The following ANKRD54 variants were observed in gnomAD, a reference collection of about 807,000 sequenced individuals.
ANKRD54 encodes the protein ankyrin repeat domain 54.
A neutral mutation model predicts 36.2 loss-of-function variants in ANKRD54; 26 were observed. The observed-to-expected ratio is 0.72, with a 90% CI of 0.53 to 1.00. The LOEUF (loss-of-function observed/expected upper bound fraction) is 1.00. Ranked by LOEUF, ANKRD54 falls within the 50% of genes least tolerant of loss-of-function variation. The pLI is 0.00. For missense variants in ANKRD54, 384 were observed against 424.3 expected (o/e 0.91, Z 0.83); for synonymous variants, 209 against 188.4 (o/e 1.11, Z -0.89).
In ANKRD54 at chr22:37,832,036, GCT is replaced by G; in HGVS notation, c.829-21_829-20del. On this transcript the variant is annotated intron_variant, in intron 7 of 7. Coordinates refer to ENST00000215941, the MANE Select transcript of ANKRD54 (RefSeq NM_138797.4). The stretch of plus-strand genomic sequence containing the variant: ...CATCCACCTGCAGGACGGAACAGAG[GCT>G]CTGTTATGGGACACGGGGTGTGCCA... 1 of 1,607,672 alleles carries G rather than the reference GCT, an allele frequency of 6.2e-7. No individual in the cohort carries two copies. The highest frequency in any genetic ancestry group is 8.5e-7 in the Non-Finnish European group (1 of 1,176,984).
intron 7 of ANKRD54, 122 bp downstream of exon 7, chr22:37,832,515 C>T: frequency 2.4e-6 from 2 of 845,178 alleles, no homozygotes; most frequent in Non-Finnish European, 1.8e-6. Context: ...GGTGTGAGCC[C>T]CTGCGGCTGG....
At chr22:37,838,938 C>G (rs1037144583) in intron 2 of ANKRD54, among the ~76,000 whole-genome samples, 1 of 152,164 alleles carries the variant, frequency 6.6e-6, no homozygotes, top group Non-Finnish European at 1.5e-5. Context: ...GGATACACAT[C>G]CATTCTGGCT....
upstream of ANKRD54, chr22:37,847,686 A>G (rs772456211): frequency 2.1e-6 from 1 of 485,432 alleles, no homozygotes; most frequent in Admixed American, 2.8e-5. Flanking sequence ...GACCATGAGG[A>G]CATTGTTGGG....
intron 1 of ANKRD54, among the ~76,000 whole-genome samples, chr22:37,840,693 C>T (rs1161909867): frequency 1.3e-5 from 2 of 151,748 alleles, no homozygotes; most frequent in African/African-American, 2.4e-5. Flanking sequence ...CAAAACCAGC[C>T]TGGACAACAT....
intron 3 of ANKRD54, among the ~76,000 whole-genome samples, chr22:37,834,894 A>C (rs1053985820): frequency 6.7e-6 from 1 of 149,824 alleles, no homozygotes; most frequent in Admixed American, 6.7e-5. Context: ...AACTGTCTGT[A>C]CTAAAAACAC....
Position 37,844,229 on chromosome 22 carries a change from C to A in ANKRD54, c.10G>T (p.Ala4Ser). Residue 4 changes from alanine (A) to serine (S), a missense_variant, in exon 1 of 8, where the codon GCC (alanine) becomes TCC (serine). Coordinates refer to ENST00000215941, the MANE Select transcript of ANKRD54 (RefSeq NM_138797.4). Reference sequence around the variant, plus strand: ...GGCTCGTCGTCCGCGTCCCCGGCGGCGGCTGCCATGGCAACGGCTCCGCGC... The same window carrying A: ...GGCTCGTCGTCCGCGTCCCCGGCGGAGGCTGCCATGGCAACGGCTCCGCGC... Reference protein sequence around the residue: MAAAAGDADDEPRS... With the variant: MAASAGDADDEPRS... 6.5e-7 allele frequency: 1 copy of A among 1,540,590 alleles called. No homozygotes were observed. Among genetic ancestry groups the A allele is most frequent in the East Asian group, 2.6e-5 (1 of 38,324 alleles).
At chr22:37,841,013 C>T (rs1016488837) in intron 1 of ANKRD54, among the ~76,000 whole-genome samples, 12 of 143,402 alleles carry the variant, frequency 8.4e-5, no homozygotes, top group Admixed American at 2.2e-4. Context: ...AGCCGGAAGG[C>T]GGAGGCTACA....
At chr22:37,846,831 C>G (rs1924863943), upstream of ANKRD54, among the ~76,000 whole-genome samples, 1 of 151,946 alleles carries the variant, frequency 6.6e-6, no homozygotes, top group African/African-American at 2.4e-5. Context: ...CATATATGGA[C>G]TATAAGATTT....
At position 37,844,302 on chromosome 22, in the gene ANKRD54, T is replaced by TC. The variant is rs1924679777; in HGVS notation, c.-65dup. 1 of 1,513,062 alleles carries TC rather than the reference T, an allele frequency of 6.6e-7. No homozygotes were observed. Among genetic ancestry groups the TC allele is most frequent in the Admixed American group, 2.0e-5 (1 of 49,604 alleles). 93.7% of individuals were successfully genotyped at this position (1,513,062 alleles called of 1,614,324 possible). A position where few individuals can be genotyped will look rare whatever the true frequency, so the allele number is the denominator to read the frequency against. The stretch of plus-strand genomic sequence containing the variant: ...TTCCCGACCGACCAACGGACCTACT[T>TC]CCCTCCGCCCTGAGTCGTGCTGTCA... On this transcript the variant is annotated 5_prime_UTR_variant, in exon 1 of 8. Transcript: ENST00000215941.
chr22:37,844,001 C>A lies in ANKRD54; in HGVS notation c.238G>T (p.Asp80Tyr). The change falls in exon 1 of 8, where the codon GAC (aspartate) becomes TAC (tyrosine). Residue 80 changes from aspartate to tyrosine, a missense_variant. By Grantham distance (160) the Asp-to-Tyr change is radical. Around this residue, in one of 3 missense-constraint regions of ANKRD54, gnomAD observed 195 missense variants for 177.7 expected, o/e 1.10. Transcript: ENST00000215941. ...GCGGGTATCTTGCAGCGCAGCTCGT[C>A]GCGCGGCTCCGCATCCTGCTGCCAC... ...VLWQQDAEPRDELRCKIPAGR... is the reference protein window; with the variant it reads ...VLWQQDAEPRYELRCKIPAGR... 1.4e-6 allele frequency: 2 copies of A among 1,424,806 alleles called. No individual in the cohort carries two copies. Among genetic ancestry groups the A allele is most frequent in the Non-Finnish European group, 9.1e-7 (1 of 1,093,976 alleles). The allele number at this position is 1,424,806 out of a possible 1,614,324, so 88.3% of individuals were successfully genotyped here.
chr22:37,832,336 GT>G lies in ANKRD54; in HGVS notation c.828+300del, dbSNP rs112298885. 4.1e-3 allele frequency among the ~76,000 whole-genome samples: 598 copies of G among 146,694 alleles called. 2 individuals carry two copies. The highest frequency in any genetic ancestry group is 6.2e-3 in the Non-Finnish European group (408 of 66,142). On this transcript the variant is annotated intron_variant, in intron 7 of 7. Transcript: ENST00000215941. ...TTGTTTGAGACAGGGCCTTGCTCTG[GT>G]TTTTTTTTTTGTTGTTTTTATAATT...
intron 2 of ANKRD54, among the ~76,000 whole-genome samples, chr22:37,838,986 C>A (rs1446081200): frequency 1.3e-5 from 2 of 152,126 alleles, no homozygotes; most frequent in African/African-American, 2.4e-5. Context: ...ATGCTATGCT[C>A]CCAGCAGGCA....
At position 37,844,065 on chromosome 22, in the gene ANKRD54, G is replaced by A. The variant is rs775217673; in HGVS notation, c.174C>T (p.Ser58=). The change falls in exon 1 of 8, where the codon TCC becomes TCT. Residue 58 remains serine (S), a synonymous_variant. Transcript: ENST00000215941. The part of the protein sequence containing the change: ...GGGAGLSGRA[S]GGAQSPLRYL... Reference sequence around the variant, plus strand: ...AGCGCAGCGGCGACTGGGCCCCGCCGGACGCCCGGCCCGAGAGGCCCGCGC... The same window carrying A: ...AGCGCAGCGGCGACTGGGCCCCGCCAGACGCCCGGCCCGAGAGGCCCGCGC... The A allele has an allele frequency of 1.4e-6, 2 of 1,434,856 alleles. No individual in the cohort carries two copies. The highest frequency in any genetic ancestry group is 1.8e-6 in the Non-Finnish European group (2 of 1,102,188). 88.9% of individuals were successfully genotyped at this position (1,434,856 alleles called of 1,614,324 possible).
In ANKRD54 at chr22:37,844,163, C is replaced by T. The variant is rs375802184; in HGVS notation, c.76G>A (p.Ala26Thr). The T allele has an allele frequency of 2.5e-4, 374 of 1,499,870 alleles. 3 individuals carry two copies. The East Asian group carries it at 8.5e-3, about 34-fold the overall frequency. The allele number at this position is 1,499,870 out of a possible 1,614,324, so 92.9% of individuals were successfully genotyped here. A position where few individuals can be genotyped will look rare whatever the true frequency, so the allele number is the denominator to read the frequency against. ...TCAGCGTCAGTCAGCGGCTCCGGCG[C>T]CACCGCGCACTCGCCCTCCGAGCTC... ...HSSSEGECAVAPEPLTDAEGL... is the reference protein window; with the variant it reads ...HSSSEGECAVTPEPLTDAEGL... Residue 26 changes from alanine (A) to threonine (T), a missense_variant, in exon 1 of 8, where the codon GCG becomes ACG. By Grantham distance (58) the Ala-to-Thr change is moderately conservative. Coordinates refer to ENST00000215941, the MANE Select transcript of ANKRD54 (RefSeq NM_138797.4).
At chr22:37,844,486 G>T, upstream of ANKRD54, 1 of 423,582 alleles carries the variant, frequency 2.4e-6, no homozygotes, top group East Asian at 3.7e-5. Context: ...TAATTGGACA[G>T]GGTTTCCGGC....
chr22:37,844,095 G>A lies in ANKRD54; in HGVS notation c.144C>T (p.Gly48=). 2.1e-6 allele frequency: 3 copies of A among 1,453,158 alleles called. No homozygotes were observed. The highest frequency in any genetic ancestry group is 2.8e-5 in the Admixed American group (1 of 35,738). 90.0% of individuals were successfully genotyped at this position (1,453,158 alleles called of 1,614,324 possible). The change falls in exon 1 of 8, where the codon GGC becomes GGT. Residue 48 remains glycine (G), a synonymous_variant. Transcript: ENST00000215941. ...SFADFGSALG[G]GGAGLSGRAS... is the part of the protein sequence containing the mutation. ...CCCGGCCCGAGAGGCCCGCGCCGCC[G>A]CCGCCCAGCGCAGACCCGAAGTCAG...
At chr22:37,843,373 A>G (rs1339998241) in intron 1 of ANKRD54, among the ~76,000 whole-genome samples, 2 of 152,200 alleles carry the variant, frequency 1.3e-5, no homozygotes, top group Non-Finnish European at 2.9e-5. Flanking sequence ...CAGTGAACCA[A>G]GATGGCGCCA....
chr22:37,849,242 T>C, upstream of ANKRD54: 1 of 622,556 alleles, frequency 1.6e-6, no homozygotes, highest in Non-Finnish European at 2.9e-6. Context: ...TCCGCCCGCC[T>C]CGGCCTCCCA....
chr22:37,833,541 C>T, intron 4 of ANKRD54, 143 bp downstream of exon 4: 3 of 898,574 alleles, frequency 3.3e-6, no homozygotes, highest in Non-Finnish European at 5.2e-6. Context: ...GGCTGCTGGG[C>T]AGTGCAGCCC....
Sources: allele counts gnomAD v4.1 joint callset (sites outside exome capture counted in the v4.1 genomes callset), GRCh38; gene constraint gnomAD v4.1.1; regional missense constraint gnomAD v4.1.1; transcripts MANE v1.5; gene names NCBI Gene and HGNC (gene_info 2026-07-23, HGNC 2026-07-21).